Variants in URI1 observed in about 807,000 individuals in gnomAD.
URI1 encodes the protein unconventional prefoldin RPB5 interactor 1.
Under a neutral mutation model 60.2 loss-of-function variants are expected in URI1, and 39 were observed. The ratio of observed to expected loss-of-function variants is 0.65; its 90% CI spans 0.50 to 0.85. The LOEUF is 0.85. Ranked by LOEUF, URI1 falls within the 40% of genes least tolerant of loss-of-function variation. URI1 has a pLI of 0.00. For missense variants in URI1, 691 were observed against 665.9 expected, an observed-to-expected ratio of 1.04 and a Z score of -0.42; for synonymous variants, 251 against 236.8, an observed-to-expected ratio of 1.06 and a Z score of -0.55.
At chr19:29,936,840 C>T (rs1368930802) in intron 1 of URI1, among the ~76,000 whole-genome samples, 1 of 152,148 alleles carries the variant, frequency 6.6e-6, no homozygotes. Context: ...GCAACCTCCT[C>T]CTTCTTGATT....
intron 2 of URI1, among the ~76,000 whole-genome samples, chr19:29,977,841 A>C (rs185143391): frequency 1.3e-5 from 2 of 152,268 alleles, no homozygotes; most frequent in Non-Finnish European, 2.9e-5. Flanking sequence ...GAATGTTTAA[A>C]GAATTTTTTT....
In URI1 at chr19:30,015,925, A is replaced by G. The variant is rs1245264222; in HGVS notation, c.*856A>G. 2.1e-5 allele frequency: 4 copies of G among 194,738 alleles called. No homozygotes were observed. The highest frequency in any genetic ancestry group is 6.0e-5 in the Admixed American group (1 of 16,676). The allele number at this position is 194,738 out of a possible 1,614,324, so 12.1% of individuals were successfully genotyped here. Reference sequence around the variant, plus strand: ...AATTCCTTACAGTTTCATCTTCCCAACATTTTCATTCTTTAAGGCTACTTT... The same window carrying G: ...AATTCCTTACAGTTTCATCTTCCCAGCATTTTCATTCTTTAAGGCTACTTT... On this transcript the variant is annotated 3_prime_UTR_variant, in exon 11 of 11. Coordinates refer to ENST00000392271, the MANE Select transcript of URI1 (RefSeq NM_003796.3).
At chr19:29,934,325 T>C (rs2054949593) in intron 1 of URI1, among the ~76,000 whole-genome samples, 1 of 152,208 alleles carries the variant, frequency 6.6e-6, no homozygotes, top group Admixed American at 6.5e-5. Flanking sequence ...ATATGTTAGT[T>C]TGCTAGGGCC....
chr19:29,932,873 GAACTCCTGACCTCAGGTGA>G (rs2054934669), intron 1 of URI1, among the ~76,000 whole-genome samples: 2 of 150,690 alleles, frequency 1.3e-5, no homozygotes, highest in African/African-American at 4.9e-5. Context: ...GGCTGGTCTC[GAACTCCTGACCTCAGGTGA>G]TCCACCCGCC....
At chr19:29,923,884 A>G (rs2054843315) in intron 1 of URI1, 6 of 922,614 alleles carry the variant, frequency 6.5e-6, no homozygotes, top group Non-Finnish European at 9.7e-6. Context: ...AGACATAGCT[A>G]TAGACCTGGA....
chr19:30,011,340 T>TTTTCAGTGAGG, intron 9 of URI1, 104 bp downstream of exon 9: 2 of 1,425,476 alleles, frequency 1.4e-6, no homozygotes, highest in Non-Finnish European at 1.9e-6. Flanking sequence ...AGACCCTCAC[T>TTTTCAGTGAGG]GAAAAGTGAA....
chr19:29,928,140 T>G (rs1045447154), intron 1 of URI1, among the ~76,000 whole-genome samples: 2 of 151,988 alleles, frequency 1.3e-5, no homozygotes, highest in Non-Finnish European at 2.9e-5. Context: ...GCAGAAGTTT[T>G]CAAGATGACC....
chr19:29,992,728 A>AG (rs1361275851), intron 4 of URI1, among the ~76,000 whole-genome samples: 1 of 152,226 alleles, frequency 6.6e-6, no homozygotes, highest in Admixed American at 6.5e-5. Flanking sequence ...TGGCTTAGAA[A>AG]GGAGTACATC....
intron 2 of URI1, among the ~76,000 whole-genome samples, chr19:29,979,935 A>G (rs928570280): frequency 2.6e-5 from 4 of 152,196 alleles, no homozygotes; most frequent in African/African-American, 7.2e-5. Flanking sequence ...TAAATTTTCC[A>G]TGAGGAGTGT....
chr19:29,985,156 AAAAAAAAAAAAAAAAAAAAAAGAAAAATC>A, intron 2 of URI1, 38 bp from the exon 3 acceptor site: 1 of 240,512 alleles, frequency 4.2e-6, no homozygotes, highest in Admixed American at 6.3e-5. Flanking sequence ...AAAAAAAAAA[AAAAAAAAAAAAAAAAAAAAAAGAAAAATC>A]GTTAATAATG....
chr19:29,983,721 A>G (rs1002239228), intron 2 of URI1, among the ~76,000 whole-genome samples: 2 of 152,232 alleles, frequency 1.3e-5, no homozygotes, highest in African/African-American at 2.4e-5. Context: ...TTTGACGGGC[A>G]TCTTGGCATA....
intron 4 of URI1, among the ~76,000 whole-genome samples, chr19:30,002,296 G>A (rs2145423496): frequency 6.6e-6 from 1 of 152,092 alleles, no homozygotes; most frequent in South Asian, 2.1e-4. Context: ...GTCTTACTTA[G>A]TGAGTAGGCA....
At chr19:29,956,253 G>T in intron 1 of URI1, 1 of 609,194 alleles carries the variant, frequency 1.6e-6, no homozygotes, top group South Asian at 2.1e-5. Flanking sequence ...AAATTTTACA[G>T]GCATGAGCCA....
chr19:29,942,985 C>T (rs534670737), intron 1 of URI1, among the ~76,000 whole-genome samples: 190 of 152,328 alleles, frequency 1.2e-3, no homozygotes, highest in Non-Finnish European at 2.1e-3. Flanking sequence ...TTGTAATGAC[C>T]TAAACATTGC....
At chr19:29,982,242 C>A (rs1005127547) in intron 2 of URI1, among the ~76,000 whole-genome samples, 1 of 152,190 alleles carries the variant, frequency 6.6e-6, no homozygotes, top group Non-Finnish European at 1.5e-5. Context: ...CAACTCTAAT[C>A]TTAAACTGCT....
rs572740121 is a variant in URI1, at chr19:29,931,037, G to A, written c.63+7283G>A. Among the ~76,000 whole-genome samples, 476 of 152,162 alleles carry A rather than the reference G, an allele frequency of 3.1e-3. 1 individual carries two copies. The highest frequency in any genetic ancestry group is 0.011 in the African/African-American group (463 of 41,522). On this transcript the variant is annotated intron_variant, in intron 1 of 10. Coordinates refer to the URI1 transcript ENST00000360605. ...GTATTTTGATTACTGTAGCTTTGTA[G>A]TAAGTTTTGAAATCAGGAAGTATGA...
intron 4 of URI1, among the ~76,000 whole-genome samples, chr19:29,992,774 C>G (rs920124236): frequency 6.6e-6 from 1 of 152,156 alleles, no homozygotes; most frequent in Admixed American, 6.5e-5. Flanking sequence ...AGGATTTAAT[C>G]AGAGGTTTCT....
At chr19:29,987,888 C>T (rs1346586274) in intron 4 of URI1, among the ~76,000 whole-genome samples, 2 of 152,064 alleles carry the variant, frequency 1.3e-5, no homozygotes, top group Non-Finnish European at 2.9e-5. Context: ...AAATTCTGGG[C>T]CGGGCGCAGG....
chr19:29,952,390 C>CT (rs2055191081), intron 1 of URI1, among the ~76,000 whole-genome samples: 1 of 152,186 alleles, frequency 6.6e-6, no homozygotes, highest in East Asian at 1.9e-4. Context: ...ATCCTATTTC[C>CT]TTTTTGTTCT....
Sources: allele counts gnomAD v4.1 joint callset (sites outside exome capture counted in the v4.1 genomes callset), GRCh38; gene constraint gnomAD v4.1.1; transcripts MANE v1.5; gene names NCBI Gene and HGNC (gene_info 2026-07-23, HGNC 2026-07-21).